Variants in SEMA5A observed in about 807,000 individuals in gnomAD.
SEMA5A encodes the protein semaphorin 5A.
A neutral mutation model predicts 135.5 loss-of-function variants in SEMA5A; 55 were observed. The observed-to-expected ratio is 0.41, with a 90% confidence interval of 0.33 to 0.51. The LOEUF (loss-of-function observed/expected upper bound fraction) is 0.51. Among genes scored for constraint, SEMA5A ranks in the 20% least tolerant of loss-of-function variants. The probability of loss-of-function intolerance (pLI) is 0.37; values close to 1 mark genes in which losing one functional copy is unlikely to be tolerated. For synonymous variants in SEMA5A, 580 were observed against 546.5 expected, an observed-to-expected ratio of 1.06 and a Z score of -0.85; for missense variants, 1,290 against 1,419.9, an observed-to-expected ratio of 0.91 and a Z score of 1.47.
chr5:9,472,970 AT>A (rs1759530676), intron 1 of SEMA5A, among the ~76,000 whole-genome samples: 2 of 150,552 alleles, frequency 1.3e-5, no homozygotes, highest in African/African-American at 4.8e-5. Context: ...ACTGCATAAT[AT>A]TCATGTCATG....
chr5:9,302,285 A>G (rs761130765), intron 5 of SEMA5A, among the ~76,000 whole-genome samples: 25 of 152,204 alleles, frequency 1.6e-4, no homozygotes, highest in Non-Finnish European at 2.9e-4. Flanking sequence ...AGCCTACTGC[A>G]TGATATCACT....
intron 1 of SEMA5A, among the ~76,000 whole-genome samples, chr5:9,506,715 T>A (rs2126833928): frequency 6.6e-6 from 1 of 152,296 alleles, no homozygotes; most frequent in Non-Finnish European, 1.5e-5. Flanking sequence ...AACAAATTAT[T>A]TGAAAGCCAA....
intron 5 of SEMA5A, among the ~76,000 whole-genome samples, chr5:9,300,851 C>G (rs1303464102): frequency 1.3e-5 from 2 of 152,120 alleles, no homozygotes; most frequent in Non-Finnish European, 2.9e-5. Context: ...ACACCTGGAG[C>G]CACTAGAACT....
intron 2 of SEMA5A, among the ~76,000 whole-genome samples, chr5:9,431,739 T>C (rs879766569): frequency 6.6e-6 from 1 of 152,118 alleles, no homozygotes; most frequent in African/African-American, 2.4e-5. Context: ...CACAGTGTAA[T>C]TGAGAGGGCA....
intron 6 of SEMA5A, among the ~76,000 whole-genome samples, chr5:9,236,352 A>G (rs548460223): frequency 6.6e-6 from 1 of 151,898 alleles, no homozygotes; most frequent in South Asian, 2.1e-4. Flanking sequence ...TGTAAGTCTG[A>G]CTCCAGGTCC....
At position 9,297,047 on chromosome 5, in the gene SEMA5A, T is replaced by C. The variant is rs561614137; in HGVS notation, c.270+21325A>G. On this transcript the variant is annotated intron_variant, in intron 5 of 22. Transcript: ENST00000382496. ...TAAAGCTCAGAGAAGAAAATCAGCA[T>C]GGCTGAGCTTCCATTATGAGAAAAT... 3.9e-5 allele frequency among the ~76,000 whole-genome samples: 6 copies of C among 152,158 alleles called. No homozygotes were observed. In the East Asian group the frequency reaches 9.6e-4, roughly 24 times the overall value.
chr5:9,337,767 T>C lies in SEMA5A; in HGVS notation c.170A>G (p.Asp57Gly). The C allele has an allele frequency of 1.2e-6, 2 of 1,611,782 alleles. No individual in the cohort carries two copies. The highest frequency in any genetic ancestry group is 1.7e-6 in the Non-Finnish European group (2 of 1,178,496). Reference protein sequence around the residue: ...LREFRAKNAVDFSQLTFDPGQ... With the variant: ...LREFRAKNAVGFSQLTFDPGQ... ...TGGGTCAAATGTTAACTGCGAGAAA[T>C]CCACAGCATTCTTCGCTCTGAACTC... Residue 57 changes from aspartate (D) to glycine (G), a missense_variant, in exon 4 of 23, where the codon GAT (aspartate) becomes GGT (glycine). Asp to Gly is a moderately conservative substitution (Grantham distance 94). Around this residue, in one of 3 missense-constraint regions of SEMA5A, gnomAD observed 116 missense variants for 121.3 expected, o/e 0.96. Coordinates refer to ENST00000382496, the MANE Select transcript of SEMA5A (RefSeq NM_003966.3).
chr5:9,168,824 T>C (rs574913815), intron 11 of SEMA5A, among the ~76,000 whole-genome samples: 1 of 152,320 alleles, frequency 6.6e-6, no homozygotes. Flanking sequence ...AAGGCTTAAA[T>C]GCTCCTCCAG....
intron 5 of SEMA5A, among the ~76,000 whole-genome samples, chr5:9,300,451 G>A (rs564272731): frequency 2.7e-4 from 41 of 152,278 alleles, no homozygotes; most frequent in Admixed American, 1.2e-3. Flanking sequence ...GAGAAAAAGA[G>A]GATAGTAATT....
chr5:9,436,456 G>C (rs1442891630), intron 2 of SEMA5A, among the ~76,000 whole-genome samples: 1 of 151,892 alleles, frequency 6.6e-6, no homozygotes, highest in Non-Finnish European at 1.5e-5. Flanking sequence ...AGAACCTCTC[G>C]TCTCAGCTGA....
chr5:9,403,363 G>T (rs1333887562), intron 2 of SEMA5A, among the ~76,000 whole-genome samples: 1 of 152,136 alleles, frequency 6.6e-6, no homozygotes, highest in Non-Finnish European at 1.5e-5. Context: ...CACAGGCAAT[G>T]TTTGTAAGAC....
At chr5:9,314,012 A>T (rs1483858965) in intron 5 of SEMA5A, among the ~76,000 whole-genome samples, 1 of 152,202 alleles carries the variant, frequency 6.6e-6, no homozygotes, top group Non-Finnish European at 1.5e-5. Flanking sequence ...AGTGTTAAAT[A>T]AAGGTTACTG....
At chr5:9,218,796 G>A (rs1746772622) in intron 8 of SEMA5A, among the ~76,000 whole-genome samples, 1 of 152,230 alleles carries the variant, frequency 6.6e-6, no homozygotes, top group Non-Finnish European at 1.5e-5. Flanking sequence ...GAATGTGCCA[G>A]TAAAGATGAG....
At chr5:9,497,630 T>C (rs1214563658) in intron 1 of SEMA5A, among the ~76,000 whole-genome samples, 2 of 152,166 alleles carry the variant, frequency 1.3e-5, no homozygotes, top group African/African-American at 2.4e-5. Flanking sequence ...ATGGTGACAG[T>C]TAATCTTCAA....
intron 5 of SEMA5A, among the ~76,000 whole-genome samples, chr5:9,281,783 C>T (rs1268836467): frequency 2.7e-5 from 4 of 150,320 alleles, no homozygotes; most frequent in African/African-American, 9.8e-5. Context: ...GACTAATGGA[C>T]ATCAGTCAAT....
chr5:9,136,682 G>A, intron 12 of SEMA5A, 61 bp from the exon 13 acceptor site: 1 of 1,364,542 alleles, frequency 7.3e-7, no homozygotes, highest in Admixed American at 1.7e-5. Context: ...AGATACACAA[G>A]ACAAGGCGAA....
chr5:9,187,273 C>G (rs926544491), intron 11 of SEMA5A, among the ~76,000 whole-genome samples: 3 of 151,928 alleles, frequency 2.0e-5, no homozygotes, highest in African/African-American at 7.3e-5. Context: ...AAGACTATAT[C>G]TCCTTCAAAA....
chr5:9,113,131 A>G (rs1026535459), intron 15 of SEMA5A, among the ~76,000 whole-genome samples: 3 of 152,186 alleles, frequency 2.0e-5, no homozygotes, highest in Non-Finnish European at 4.4e-5. Context: ...AGCTGTGCCC[A>G]GATTAAAAAA....
intron 2 of SEMA5A, among the ~76,000 whole-genome samples, chr5:9,415,935 G>A (rs1411778140): frequency 6.6e-6 from 1 of 152,194 alleles, no homozygotes; most frequent in Non-Finnish European, 1.5e-5. Context: ...AGAAAGCTGA[G>A]CAGCCAAAAA....
Sources: allele counts gnomAD v4.1 joint callset (sites outside exome capture counted in the v4.1 genomes callset), GRCh38; gene constraint gnomAD v4.1.1; regional missense constraint gnomAD v4.1.1; transcripts MANE v1.5; gene names NCBI Gene and HGNC (gene_info 2026-07-23, HGNC 2026-07-21).